The following MMP26 variants were observed in gnomAD, a reference collection of about 807,000 sequenced individuals.
MMP26 encodes matrix metalloproteinase-26.
MMP26 carries 33 observed loss-of-function variants against 31.0 expected under a neutral mutation model. That is an observed-to-expected ratio of 1.06 (90% CI 0.81 to 1.42). The LOEUF is 1.42. Among genes scored for constraint, MMP26 ranks in the 40% most tolerant of loss-of-function variants. The pLI, the probability that MMP26 is intolerant of heterozygous loss-of-function variation, is 0.00. For missense variants in MMP26, 347 were observed against 316.1 expected (o/e 1.10, Z -0.74); for synonymous variants, 122 against 114.9 (o/e 1.06, Z -0.40).
intron 1 of MMP26, among the ~76,000 whole-genome samples, chr11:4,761,207 A>C (rs972337730): frequency 1.3e-5 from 2 of 152,318 alleles, no homozygotes; most frequent in African/African-American, 4.8e-5. Context: ...CTTTAATTTC[A>C]CTTCCAATAA....
intron 2 of MMP26, among the ~76,000 whole-genome samples, chr11:4,976,680 G>A (rs921198295): frequency 1.3e-5 from 2 of 151,968 alleles, no homozygotes; most frequent in African/African-American, 2.4e-5. Flanking sequence ...AAGACCCAGA[G>A]GGATTAAAAA....
intron 1 of MMP26, among the ~76,000 whole-genome samples, chr11:4,709,226 T>C (rs1847825313): frequency 6.6e-6 from 1 of 152,174 alleles, no homozygotes; most frequent in Non-Finnish European, 1.5e-5. Flanking sequence ...CATCTGCCCG[T>C]GTACATACAG....
At chr11:4,749,285 A>G (rs1848418744) in intron 1 of MMP26, among the ~76,000 whole-genome samples, 1 of 152,078 alleles carries the variant, frequency 6.6e-6, no homozygotes, top group Admixed American at 6.6e-5. Flanking sequence ...AAAAATGTAG[A>G]TGATACAAAC....
chr11:4,778,279 A>T (rs1848814540), intron 2 of MMP26, among the ~76,000 whole-genome samples: 1 of 152,080 alleles, frequency 6.6e-6, no homozygotes, highest in Non-Finnish European at 1.5e-5. Context: ...TGCCTCTCCA[A>T]GCCTTTTGCC....
At chr11:4,847,290 C>T (rs1008044368) in intron 2 of MMP26, among the ~76,000 whole-genome samples, 1 of 152,148 alleles carries the variant, frequency 6.6e-6, no homozygotes, top group Admixed American at 6.5e-5. Flanking sequence ...TATACTGCTG[C>T]TACTAGGAAG....
At chr11:4,924,682 G>A (rs188100011) in intron 2 of MMP26, among the ~76,000 whole-genome samples, 2 of 152,308 alleles carry the variant, frequency 1.3e-5, no homozygotes, top group Admixed American at 1.3e-4. Flanking sequence ...GTCTTTAATA[G>A]CAGGGCAGTT....
intron 2 of MMP26, among the ~76,000 whole-genome samples, chr11:4,822,890 A>G (rs1849529779): frequency 6.6e-6 from 1 of 152,288 alleles, no homozygotes; most frequent in Non-Finnish European, 1.5e-5. Flanking sequence ...TGCAGGGGCT[A>G]CCTAATGTAA....
At chr11:4,911,608 G>T (rs956933370) in intron 2 of MMP26, among the ~76,000 whole-genome samples, 1 of 152,078 alleles carries the variant, frequency 6.6e-6, no homozygotes, top group Non-Finnish European at 1.5e-5. Flanking sequence ...CTTCAGGACT[G>T]CTATACTTGT....
chr11:4,755,039 A>T (rs1194738121), intron 1 of MMP26, among the ~76,000 whole-genome samples: 1 of 151,966 alleles, frequency 6.6e-6, no homozygotes, highest in African/African-American at 2.4e-5. Context: ...CTAATTCAGA[A>T]ATCTGCATAG....
At chr11:4,891,784 A>G (rs914571308) in intron 2 of MMP26, among the ~76,000 whole-genome samples, 4 of 152,170 alleles carry the variant, frequency 2.6e-5, no homozygotes, top group Non-Finnish European at 5.9e-5. Flanking sequence ...ATAGCTCAAC[A>G]TACACTTTCA....
At position 4,749,829 on chromosome 11, in the gene MMP26, A is replaced by G. The variant is rs150539741; in HGVS notation, c.-216-17441A>G. Among the ~76,000 whole-genome samples, 942 of 152,298 alleles carry G rather than the reference A, an allele frequency of 6.2e-3. 2 individuals are homozygous for G. The highest frequency in any genetic ancestry group is 8.3e-3 in the Non-Finnish European group (561 of 67,984). ...TAAGACCTGAATTTATAAAAACACT[A>G]GAAGAAAAGCTAGGAAAAACTTTTA... is the stretch of plus-strand genomic sequence containing the variant. On this transcript the variant is annotated intron_variant, in intron 1 of 7. Coordinates refer to ENST00000380390, the MANE Select transcript of MMP26 (RefSeq NM_021801.5).
At chr11:4,840,425 G>A (rs768875413) in intron 2 of MMP26, among the ~76,000 whole-genome samples, 1 of 152,138 alleles carries the variant, frequency 6.6e-6, no homozygotes, top group Non-Finnish European at 1.5e-5. Context: ...TACTGGTGGT[G>A]GCCACAGGGG....
intron 1 of MMP26, among the ~76,000 whole-genome samples, chr11:4,725,018 T>A (rs573532813): frequency 1.4e-4 from 22 of 152,342 alleles, no homozygotes; most frequent in Middle Eastern, 3.4e-3. Context: ...ACACCATCCC[T>A]CTTGGTGCTG....
rs1851210092 is a variant in MMP26 at position 4,923,265 on chromosome 11, A to G, written c.-144-64803A>G. On this transcript the variant is annotated intron_variant, in intron 2 of 7. Transcript: ENST00000380390. ...TCACACTGCCTTATGTTGCACAGCCAATTGCCTTTTTGTTGACAGTCAACG... is the reference window on the plus strand; with the variant it reads ...TCACACTGCCTTATGTTGCACAGCCGATTGCCTTTTTGTTGACAGTCAACG... The G allele has an allele frequency of 4.5e-6, 5 of 1,110,432 alleles. No homozygotes were observed. In the East Asian group the frequency reaches 1.2e-4, roughly 27 times the overall value. The allele number at this position is 1,110,432 out of a possible 1,614,324, so 68.8% of individuals were successfully genotyped here.
At position 4,954,162 on chromosome 11, in the gene MMP26, A is replaced by G. The variant is rs184377081; in HGVS notation, c.-144-33906A>G. ...GCCTTTTTAATTACTCTTGCCTTGC[A>G]TAGCGAATCTTTTATAAGGCAGGGA... On this transcript the variant is annotated intron_variant, in intron 2 of 7. Transcript: ENST00000380390. Among the ~76,000 whole-genome samples the G allele has an allele frequency of 4.8e-5, 6 of 125,694 alleles. 2 individuals are homozygous for G. Among genetic ancestry groups the G allele is most frequent in the African/African-American group, 1.6e-4 (6 of 36,954 alleles). 82.5% of individuals were successfully genotyped at this position (125,694 alleles called of 152,430 possible).
In MMP26 at chr11:4,897,297, G is replaced by A. The variant is rs147192846; in HGVS notation, c.-144-90771G>A. Among the ~76,000 whole-genome samples the A allele has an allele frequency of 9.9e-3, 1,510 of 151,960 alleles. 28 individuals are homozygous for A. The highest frequency in any genetic ancestry group is 0.035 in the African/African-American group (1,445 of 41,462). ...TGGGATTACAGACACATGCCACCACGCCCAGCTAATTTTTGTATTTTTAGT... is the reference window on the plus strand; with the variant it reads ...TGGGATTACAGACACATGCCACCACACCCAGCTAATTTTTGTATTTTTAGT... On this transcript the variant is annotated intron_variant, in intron 2 of 7. Transcript: ENST00000380390.
chr11:4,766,903 A>G (rs889071424), intron 1 of MMP26, among the ~76,000 whole-genome samples: 3 of 152,094 alleles, frequency 2.0e-5, no homozygotes, highest in Non-Finnish European at 2.9e-5. Flanking sequence ...ATGTTAGTAT[A>G]TATTACATTA....
chr11:4,807,068 A>G (rs534518598), intron 2 of MMP26, among the ~76,000 whole-genome samples: 1 of 152,338 alleles, frequency 6.6e-6, no homozygotes, highest in South Asian at 2.1e-4. Flanking sequence ...TAAAAAATAA[A>G]TAAATAAATA....
At chr11:4,945,218 T>C (rs2133605010) in intron 2 of MMP26, 1 of 152,190 alleles carries the variant, frequency 6.6e-6, no homozygotes, top group Non-Finnish European at 1.5e-5. Flanking sequence ...CTAGGTAATC[T>C]ATGAGGAAAT....
Sources: allele counts gnomAD v4.1 joint callset (sites outside exome capture counted in the v4.1 genomes callset), GRCh38; gene constraint gnomAD v4.1.1; transcripts MANE v1.5; gene names NCBI Gene and HGNC (gene_info 2026-07-23, HGNC 2026-07-21).